Variants in HPS5 observed in about 807,000 individuals in gnomAD.
HPS5 encodes the protein HPS5 biogenesis of lysosomal organelles complex 2 subunit 2.
A neutral mutation model predicts 128.0 loss-of-function variants in HPS5; 83 were observed. That is an observed-to-expected ratio of 0.65 (90% confidence interval 0.54 to 0.78). HPS5 has a LOEUF of 0.78. HPS5 is among the 30% of genes least tolerant of loss of function. The pLI is 0.00. For synonymous variants in HPS5, 475 were observed against 470.2 expected (o/e 1.01, Z -0.13); for missense variants, 1,281 against 1,326.2 (o/e 0.97, Z 0.53).
Position 18,297,724 on chromosome 11 carries a change from A to T in HPS5, c.1165-7T>A. ...CAGTCAAAGTTTTTCTTGCCTAATAAAACAACAGCGCAATGGAATAGCTAT... is the reference window on the plus strand; with the variant it reads ...CAGTCAAAGTTTTTCTTGCCTAATATAACAACAGCGCAATGGAATAGCTAT... On this transcript the variant is annotated splice_polypyrimidine_tract_variant and splice_region_variant and intron_variant, in intron 10 of 22. Transcript: ENST00000349215. 1 of 1,613,086 alleles carries T rather than the reference A, an allele frequency of 6.2e-7. No individual in the cohort carries two copies.
intron 8 of HPS5, among the ~76,000 whole-genome samples, chr11:18,304,770 T>C (rs557900646): frequency 1.1e-4 from 17 of 152,344 alleles, no homozygotes; most frequent in Non-Finnish European, 2.4e-4. Context: ...TAATTTTTTA[T>C]TGATGAAATA....
In HPS5 at chr11:18,283,804, C is replaced by T; in HGVS notation, c.3049G>A (p.Gly1017Arg). Residue 1017 changes from glycine to arginine, a missense_variant, in exon 21 of 23, where the codon GGG (glycine) becomes AGG (arginine). Transcript: ENST00000349215. Reference protein sequence around the residue: ...VYLNDMSLMEGDNGWIPETVE... With the variant: ...VYLNDMSLMERDNGWIPETVE... ...GTTAGGATTGACATACCATTGTCCC[C>T]TTCCATCAGGCTCATATCATTCAGA... 1.2e-6 allele frequency: 2 copies of T among 1,606,088 alleles called. No individual in the cohort carries two copies. The highest frequency in any genetic ancestry group is 1.7e-6 in the Non-Finnish European group (2 of 1,173,108).
chr11:18,317,918 T>C lies in HPS5; in HGVS notation c.-49-11A>G. 1 of 1,560,308 alleles carries C rather than the reference T, an allele frequency of 6.4e-7. No homozygotes were observed. The highest frequency in any genetic ancestry group is 8.7e-7 in the Non-Finnish European group (1 of 1,144,224). ...TACAGTATTCCTCACCTGAATAAAA[T>C]CCACAAAAATATAATTTAAGAAGCC... On this transcript the variant is annotated splice_polypyrimidine_tract_variant and intron_variant, in intron 1 of 22. Transcript: ENST00000349215.
At chr11:18,297,124 C>A in intron 11 of HPS5, 140 bp from the exon 12 acceptor site, 1 of 686,256 alleles carries the variant, frequency 1.5e-6, no homozygotes, top group Non-Finnish European at 2.5e-6. Flanking sequence ...AACTGATGAG[C>A]AAGGCTTAGG....
In HPS5 at chr11:18,298,674, G is replaced by C. The variant is rs959417234; in HGVS notation, c.1164+118C>G. 6.4e-6 allele frequency: 6 copies of C among 941,876 alleles called. No homozygotes were observed. The Admixed American group carries it at 8.5e-5, about 13-fold the overall frequency. 58.3% of individuals were successfully genotyped at this position (941,876 alleles called of 1,614,324 possible). A position where few individuals can be genotyped will look rare whatever the true frequency, so the allele number is the denominator to read the frequency against. ...ATGCTTTCTCTGGGCATGTATTGCT[G>C]TATCTGTAGGTCACACAGACAGGGT... On this transcript the variant is annotated intron_variant, in intron 10 of 22. Transcript: ENST00000349215.
chr11:18,313,989 T>A (rs929834709), intron 2 of HPS5, among the ~76,000 whole-genome samples: 31 of 150,978 alleles, frequency 2.1e-4, no homozygotes, highest in African/African-American at 7.5e-4. Context: ...GCAGAAGGAC[T>A]CACTGAGCCC....
chr11:18,289,813 T>C (rs1860172539), intron 16 of HPS5, among the ~76,000 whole-genome samples: 1 of 152,194 alleles, frequency 6.6e-6, no homozygotes, highest in South Asian at 2.1e-4. Flanking sequence ...TTCAAAAACA[T>C]GGGACTATGG....
chr11:18,296,272 A>G, intron 12 of HPS5, 150 bp from the exon 13 acceptor site: 1 of 762,276 alleles, frequency 1.3e-6, no homozygotes, highest in Non-Finnish European at 2.1e-6. Context: ...TGAGTGGAAC[A>G]CAGGTTTACA....
intron 4 of HPS5, 38 bp downstream of exon 4, chr11:18,311,349 T>C (rs1197722250): frequency 7.1e-7 from 1 of 1,402,426 alleles, no homozygotes; most frequent in Non-Finnish European, 1.0e-6. Context: ...TTAAAATGCA[T>C]TTGAAAAAGG....
chr11:18,309,132 G>A (rs1308122147), intron 5 of HPS5, 53 bp from the exon 6 acceptor site: 2 of 1,518,602 alleles, frequency 1.3e-6, no homozygotes, highest in African/African-American at 1.4e-5. Flanking sequence ...ACATACACAT[G>A]CAATCTCTTC....
Position 18,300,854 on chromosome 11 carries a change from T to C in HPS5, c.959A>G (p.Gln320Arg), listed in dbSNP as rs1344578343. The C allele has an allele frequency of 6.3e-7, 1 of 1,589,214 alleles. No homozygotes were observed. The highest frequency in any genetic ancestry group is 8.6e-7 in the Non-Finnish European group (1 of 1,157,454). ...GIYIFIPQNV[Q>R]VLLWSEVKDI... ...TTTGACTTCACTCCAAAGAAGAACT[T>C]GAACATTCTGAGGAATGAAAATATA... The change falls in exon 9 of 23, where the codon CAA becomes CGA. Residue 320 changes from glutamine to arginine, a missense_variant. Transcript: ENST00000349215.
intron 12 of HPS5, 170 bp downstream of exon 12, chr11:18,296,628 C>A: frequency 1.3e-6 from 1 of 758,230 alleles, no homozygotes; most frequent in Non-Finnish European, 2.4e-6. Flanking sequence ...AAACATAAAC[C>A]AACTCTTCTA....
rs199819778 is a variant in HPS5, at chr11:18,291,936, T to G, written c.1946A>C (p.Lys649Thr). 2.5e-6 allele frequency: 4 copies of G among 1,608,788 alleles called. No homozygotes were observed. ...VLQEWLSHLE[K>T]TFAMKDFSGV... is the part of the protein sequence containing the mutation. ...TGAAAAGTCCTTCATGGCAAATGTT[T>G]TTTCTAAATGTGAAAGCCACTCCTG... is the stretch of plus-strand genomic sequence containing the variant. The change falls in exon 16 of 23, where the codon AAA becomes ACA. Residue 649 changes from lysine to threonine, a missense_variant. Transcript: ENST00000349215.
chr11:18,294,551 G>A (rs1860820380), intron 14 of HPS5, among the ~76,000 whole-genome samples: 1 of 152,124 alleles, frequency 6.6e-6, no homozygotes, highest in African/African-American at 2.4e-5. Flanking sequence ...GGGGGAAGGA[G>A]GGGAGTTATG....
chr11:18,316,500 C>T (rs553226541), intron 2 of HPS5, among the ~76,000 whole-genome samples: 7 of 151,970 alleles, frequency 4.6e-5, no homozygotes, highest in South Asian at 2.1e-4. Context: ...AGAACACTAA[C>T]GGGGAAAAAT....
rs777658558 is a variant in HPS5 at position 18,291,839 on chromosome 11, C to T, written c.2043G>A (p.Lys681=). 2.9e-5 allele frequency: 47 copies of T among 1,611,280 alleles called. No homozygotes were observed. The highest frequency in any genetic ancestry group is 3.9e-5 in the Non-Finnish European group (46 of 1,179,034). The part of the protein sequence containing the change: ...QDVLLVNESK[K]GILDEDNEKE... ...TTTCATTATCTTCATCTAATATTCC[C>T]TTTTTTGATTCATTAACTAATAGCA... The change falls in exon 16 of 23, where the codon AAG becomes AAA. Residue 681 remains lysine, a synonymous_variant. Coordinates refer to ENST00000349215, the MANE Select transcript of HPS5 (RefSeq NM_181507.2).
At position 18,296,395 on chromosome 11, in the gene HPS5, C is replaced by T; in HGVS notation, c.1511-273G>A. On this transcript the variant is annotated intron_variant, in intron 12 of 22. Coordinates refer to ENST00000349215, the MANE Select transcript of HPS5 (RefSeq NM_181507.2). The stretch of plus-strand genomic sequence containing the variant: ...TTTAGGATCTCTATTATTCTCTTCT[C>T]ACTAGTTCAGCCACAGGAATACTCG... The T allele has an allele frequency of 9.2e-6, 5 of 543,058 alleles. 1 individual carries two copies. Among genetic ancestry groups the T allele is most frequent in the South Asian group, 8.6e-5 (4 of 46,374 alleles). The allele number at this position is 543,058 out of a possible 1,614,324, so 33.6% of individuals were successfully genotyped here. A position where few individuals can be genotyped will look rare whatever the true frequency, so the allele number is the denominator to read the frequency against.
intron 15 of HPS5, among the ~76,000 whole-genome samples, 164 bp from the exon 16 acceptor site, chr11:18,292,183 G>A (rs1718090145): frequency 6.6e-6 from 1 of 150,734 alleles, no homozygotes; most frequent in Non-Finnish European, 1.5e-5. Flanking sequence ...TGACAAAACA[G>A]AGAACATAAA....
At chr11:18,300,718 AAAGTCAT>A in intron 9 of HPS5, 103 bp downstream of exon 9, 1 of 532,684 alleles carries the variant, frequency 1.9e-6, no homozygotes, top group Non-Finnish European at 3.4e-6. Flanking sequence ...AAAAAAAAAA[AAAGTCAT>A]CCCATCCTAT....
Sources: gnomAD v4.1 joint callset for allele counts (sites outside exome capture counted in the v4.1 genomes callset) on GRCh38, gnomAD v4.1.1 for gene constraint, MANE v1.5 for transcripts, NCBI Gene and HGNC (gene_info 2026-07-23, HGNC 2026-07-21) for gene names.